DACH2: variants seen among roughly 807,000 people sequenced by gnomAD.
DACH2 encodes dachshund homolog 2.
In DACH2, 17 loss-of-function variants were observed where a neutral mutation model predicts 35.8. The ratio of observed to expected loss-of-function variants is 0.48; its 90% CI spans 0.33 to 0.71. The LOEUF (loss-of-function observed/expected upper bound fraction) is 0.71. Ranked by LOEUF, DACH2 falls within the 30% of genes least tolerant of loss-of-function variation. DACH2 has a pLI of 0.02. For missense variants in DACH2, 469 were observed against 472.7 expected (o/e 0.99, Z 0.07); for synonymous variants, 195 against 177.3 (o/e 1.10, Z -0.79).
chrX:86,294,633 C>T (rs1353624522), intron 1 of DACH2, among the ~76,000 whole-genome samples: 1 of 109,278 alleles, frequency 9.2e-6, no homozygotes, highest in African/African-American at 3.3e-5. Context: ...TGTTAGTTTT[C>T]CTTCTAACAG....
chrX:86,783,781 A>G (rs777173527), intron 7 of DACH2, among the ~76,000 whole-genome samples: 1 of 111,601 alleles, frequency 9.0e-6, no homozygotes, highest in South Asian at 3.8e-4. Flanking sequence ...GGATCTAAAG[A>G]TCAAAACAAT....
intron 3 of DACH2, 48 bp downstream of exon 3, chrX:86,514,439 G>A (rs781407861): frequency 9.3e-7 from 1 of 1,080,725 alleles, no homozygotes; most frequent in Admixed American, 2.4e-5. Flanking sequence ...GTACTGCCCA[G>A]CATTTGAAAT....
chrX:86,655,314 G>A (rs1474173931), intron 4 of DACH2, among the ~76,000 whole-genome samples: 1 of 111,953 alleles, frequency 8.9e-6, no homozygotes, highest in Non-Finnish European at 1.9e-5. Context: ...AGTCAATTTG[G>A]TAAATATTCA....
At chrX:86,715,455 TATC>T (rs2148460799) in intron 6 of DACH2, among the ~76,000 whole-genome samples, 1 of 111,333 alleles carries the variant, frequency 9.0e-6, no homozygotes, top group East Asian at 2.8e-4. Context: ...TCTTTCCAAT[TATC>T]ATATGAACTA....
intron 1 of DACH2, among the ~76,000 whole-genome samples, chrX:86,299,776 G>T (rs1356522261): frequency 8.9e-6 from 1 of 111,829 alleles, no homozygotes; most frequent in Non-Finnish European, 1.9e-5. Flanking sequence ...GCCATTTGTG[G>T]CATTTCTCCC....
At chrX:86,444,346 T>A (rs918931339) in intron 2 of DACH2, among the ~76,000 whole-genome samples, 9 of 111,759 alleles carry the variant, frequency 8.1e-5, no homozygotes, top group African/African-American at 2.9e-4. Context: ...TGCCTTGGCC[T>A]CCCAATAGTC....
chrX:86,438,409 A>G (rs1383834206), intron 2 of DACH2, among the ~76,000 whole-genome samples: 3 of 109,972 alleles, frequency 2.7e-5, no homozygotes, highest in African/African-American at 9.9e-5. Context: ...TATTTTTAGT[A>G]GAGACGGGGT....
chrX:86,501,712 G>C (rs1042135275), intron 2 of DACH2, among the ~76,000 whole-genome samples: 2 of 111,241 alleles, frequency 1.8e-5, no homozygotes, highest in African/African-American at 6.5e-5. Context: ...CATCTAAATA[G>C]AAAACTAAAG....
At chrX:86,219,707 C>A (rs938430934) in intron 1 of DACH2, among the ~76,000 whole-genome samples, 2 of 110,779 alleles carry the variant, frequency 1.8e-5, no homozygotes, top group Non-Finnish European at 3.8e-5. Context: ...TTTTAGTTTG[C>A]ATATCTGCAT....
chrX:86,698,733 G>T (rs1007813150), intron 5 of DACH2, among the ~76,000 whole-genome samples: 9 of 107,534 alleles, frequency 8.4e-5, no homozygotes, highest in Admixed American at 3.0e-4. Context: ...ACAGGGTTTT[G>T]CCATGCTGCC....
intron 3 of DACH2, among the ~76,000 whole-genome samples, chrX:86,596,214 C>A (rs1602682503): frequency 9.0e-6 from 1 of 111,500 alleles, no homozygotes; most frequent in South Asian, 3.7e-4. Context: ...TATTTTAATA[C>A]CTGTTTTCAA....
At chrX:86,388,053 G>A (rs1276258273) in intron 2 of DACH2, among the ~76,000 whole-genome samples, 1 of 111,853 alleles carries the variant, frequency 8.9e-6, no homozygotes, top group Non-Finnish European at 1.9e-5. Flanking sequence ...TTGAAATAAG[G>A]GCACTGAAGC....
At chrX:86,741,776 T>G (rs969063768) in intron 7 of DACH2, among the ~76,000 whole-genome samples, 1 of 111,119 alleles carries the variant, frequency 9.0e-6, no homozygotes, top group Non-Finnish European at 1.9e-5. Flanking sequence ...GAAAGGGATA[T>G]ATAGAGATAA....
intron 9 of DACH2, among the ~76,000 whole-genome samples, 169 bp downstream of exon 9, chrX:86,813,446 CA>C (rs1182157047): frequency 0.016 from 1,237 of 75,564 alleles, 21 homozygotes; most frequent in African/African-American, 0.048. Flanking sequence ...ACTAAAAATA[CA>C]AAAAAAAAAA....
chrX:86,159,343 A>T lies in DACH2; in HGVS notation c.488+10235A>T, dbSNP rs180695359. Among the ~76,000 whole-genome samples, 380 of 111,582 alleles carry T rather than the reference A, an allele frequency of 3.4e-3. 2 individuals carry two copies. Among genetic ancestry groups the T allele is most frequent in the African/African-American group, 0.011 (352 of 30,782 alleles). Reference sequence around the variant, plus strand: ...AATGTAAATAACTTTACAAAACCAGATTATTTGCAAACATGTATAATTAAA... The same window carrying T: ...AATGTAAATAACTTTACAAAACCAGTTTATTTGCAAACATGTATAATTAAA... On this transcript the variant is annotated intron_variant, in intron 1 of 11. Transcript: ENST00000373125.
chrX:86,510,160 T>G (rs1360670787), intron 2 of DACH2, among the ~76,000 whole-genome samples: 1 of 112,204 alleles, frequency 8.9e-6, no homozygotes, highest in Non-Finnish European at 1.9e-5. Context: ...ATTAATTAAT[T>G]AACTGGATTT....
At chrX:86,521,036 A>C (rs138436058) in intron 3 of DACH2, among the ~76,000 whole-genome samples, 48 of 111,700 alleles carry the variant, frequency 4.3e-4, no homozygotes, top group Admixed American at 9.5e-4. Flanking sequence ...ATTAGCTGGC[A>C]GTGGTCTTCC....
At chrX:86,240,713 T>C (rs73514072) in intron 1 of DACH2, among the ~76,000 whole-genome samples, 1,378 of 110,358 alleles carry the variant, frequency 0.012, 21 homozygotes, top group African/African-American at 0.043. Context: ...ATGTCAAATT[T>C]TAATACCTAC....
intron 2 of DACH2, among the ~76,000 whole-genome samples, chrX:86,485,026 A>G (rs1200308543): frequency 2.7e-5 from 3 of 111,940 alleles, no homozygotes; most frequent in African/African-American, 9.7e-5. Context: ...GATAGGAAGT[A>G]TGTATAAATG....
Sources: allele counts gnomAD v4.1 joint callset (sites outside exome capture counted in the v4.1 genomes callset), GRCh38; gene constraint gnomAD v4.1.1; transcripts MANE v1.5; gene names NCBI Gene and HGNC (gene_info 2026-07-23, HGNC 2026-07-21).